RPS6KC1: variants seen among roughly 807,000 people sequenced by gnomAD.
The protein encoded by RPS6KC1 is ribosomal protein S6 kinase C1.
Under a neutral mutation model 103.8 loss-of-function variants are expected in RPS6KC1, and 54 were observed. That is an observed-to-expected ratio of 0.52 (90% CI 0.42 to 0.65). The LOEUF (loss-of-function observed/expected upper bound fraction) is 0.65, where lower values mean the gene tolerates loss of function less well. Among genes scored for constraint, RPS6KC1 ranks in the 30% least tolerant of loss-of-function variants. The pLI is 0.00. For missense variants in RPS6KC1, 1,151 were observed against 1,253.8 expected, an observed-to-expected ratio of 0.92 and a Z score of 1.24; for synonymous variants, 439 against 438.7, an observed-to-expected ratio of 1.00 and a Z score of -0.01.
chr1:213,835,648 T>C, the RPS6KC1 span, among the ~76,000 whole-genome samples: 1 of 152,220 alleles, frequency 6.6e-6, no homozygotes, highest in Non-Finnish European at 1.5e-5. Context: ...TCTCCAGGTA[T>C]ACCAAACTCT....
At chr1:213,679,607 C>A in the RPS6KC1 span, among the ~76,000 whole-genome samples, 2 of 152,200 alleles carry the variant, frequency 1.3e-5, no homozygotes, top group Admixed American at 6.5e-5. Context: ...GAGTTCCAGA[C>A]CCCATCATGT....
the RPS6KC1 span, among the ~76,000 whole-genome samples, chr1:213,541,402 G>A: frequency 7.9e-5 from 12 of 151,948 alleles, no homozygotes; most frequent in Non-Finnish European, 1.5e-4. Flanking sequence ...AAATGAGCAC[G>A]TTCTGTTGGA....
the RPS6KC1 span, among the ~76,000 whole-genome samples, chr1:213,786,234 A>G: frequency 6.6e-6 from 1 of 152,154 alleles, no homozygotes; most frequent in Non-Finnish European, 1.5e-5. Context: ...TTGAGGTATA[A>G]AAAGATTTGT....
chr1:213,756,332 G>T, the RPS6KC1 span, among the ~76,000 whole-genome samples: 4 of 152,184 alleles, frequency 2.6e-5, no homozygotes, highest in South Asian at 8.3e-4. Flanking sequence ...AAGCCTTAGT[G>T]TCTTAACATT....
the RPS6KC1 span, among the ~76,000 whole-genome samples, chr1:213,602,028 C>CTTTCTTTCTTTCTT: frequency 2.3e-3 from 27 of 11,894 alleles, 5 homozygotes; most frequent in South Asian, 0.02. Flanking sequence ...TTCTTTCTTT[C>CTTTCTTTCTTTCTT]TCTTTCTCTT....
intron 8 of RPS6KC1, among the ~76,000 whole-genome samples, chr1:213,201,503 A>T (rs1367921879): frequency 6.6e-6 from 1 of 152,192 alleles, no homozygotes; most frequent in Non-Finnish European, 1.5e-5. Context: ...CAGTGTAACT[A>T]TTCTGTATAC....
At chr1:213,665,248 A>C in the RPS6KC1 span, among the ~76,000 whole-genome samples, 1 of 152,150 alleles carries the variant, frequency 6.6e-6, no homozygotes, top group African/African-American at 2.4e-5. Context: ...CAAAATAAAA[A>C]AAATTAAAAA....
At chr1:213,759,511 C>T in the RPS6KC1 span, among the ~76,000 whole-genome samples, 13 of 152,194 alleles carry the variant, frequency 8.5e-5, no homozygotes, top group Admixed American at 2.0e-4. Context: ...TGCATGGCCA[C>T]GTGCCATTAT....
the RPS6KC1 span, among the ~76,000 whole-genome samples, chr1:213,674,058 G>T: frequency 0.26 from 39,051 of 151,576 alleles, 6,338 homozygotes; most frequent in African/African-American, 0.46. Flanking sequence ...TCGCTATGTT[G>T]CCCAGGTTGG....
intron 8 of RPS6KC1, among the ~76,000 whole-genome samples, chr1:213,201,810 A>G (rs2093173163): frequency 6.6e-6 from 1 of 152,220 alleles, no homozygotes; most frequent in Non-Finnish European, 1.5e-5. Context: ...GGCATGTGGT[A>G]CCTTCAATAG....
intron 4 of RPS6KC1, among the ~76,000 whole-genome samples, chr1:213,106,444 A>C (rs2082510124): frequency 6.6e-6 from 1 of 152,208 alleles, no homozygotes; most frequent in Non-Finnish European, 1.5e-5. Flanking sequence ...GCTTTCCCAG[A>C]AACATGATCT....
At chr1:213,569,159 G>A in the RPS6KC1 span, among the ~76,000 whole-genome samples, 1 of 152,158 alleles carries the variant, frequency 6.6e-6, no homozygotes, top group Non-Finnish European at 1.5e-5. Flanking sequence ...GGCAGGCAGT[G>A]CCAGCCATTT....
the RPS6KC1 span, among the ~76,000 whole-genome samples, chr1:213,824,760 A>G: frequency 6.6e-6 from 1 of 152,194 alleles, no homozygotes; most frequent in Non-Finnish European, 1.5e-5. Flanking sequence ...TTCTGCCATG[A>G]TTGTGAGGCC....
chr1:213,666,247 T>C, the RPS6KC1 span, among the ~76,000 whole-genome samples: 1 of 152,182 alleles, frequency 6.6e-6, no homozygotes, highest in Non-Finnish European at 1.5e-5. Flanking sequence ...GTAAATATTT[T>C]ATTCCCATTT....
chr1:213,760,965 T>A, the RPS6KC1 span, among the ~76,000 whole-genome samples: 1 of 143,114 alleles, frequency 7.0e-6, no homozygotes, highest in Non-Finnish European at 1.5e-5. Context: ...ATTTTTTTTT[T>A]AAGGCTCCAA....
At chr1:213,813,400 A>G in the RPS6KC1 span, among the ~76,000 whole-genome samples, 1 of 151,730 alleles carries the variant, frequency 6.6e-6, no homozygotes, top group Non-Finnish European at 1.5e-5. Flanking sequence ...ATGTTGAACA[A>G]CCCCGGGCTT....
At chr1:213,816,324 A>G in the RPS6KC1 span, among the ~76,000 whole-genome samples, 4 of 152,354 alleles carry the variant, frequency 2.6e-5, no homozygotes, top group South Asian at 8.3e-4. Context: ...TTGTAAAAAC[A>G]TGCAATATCT....
chr1:213,553,540 G>C, the RPS6KC1 span, among the ~76,000 whole-genome samples: 1 of 152,134 alleles, frequency 6.6e-6, no homozygotes, highest in East Asian at 1.9e-4. Context: ...GGTATTGCTG[G>C]ATCAAATAGT....
At chr1:213,798,730 T>G in the RPS6KC1 span, among the ~76,000 whole-genome samples, 2 of 152,228 alleles carry the variant, frequency 1.3e-5, no homozygotes, top group African/African-American at 2.4e-5. Flanking sequence ...TCAGCAGTTC[T>G]GCAGAAAGAG....
Sources: gnomAD v4.1 joint callset for allele counts (sites outside exome capture counted in the v4.1 genomes callset) on GRCh38, gnomAD v4.1.1 for gene constraint, MANE v1.5 for transcripts, NCBI Gene and HGNC (gene_info 2026-07-23, HGNC 2026-07-21) for gene names.